The following SLIT3 variants were observed in gnomAD, a reference collection of about 807,000 sequenced individuals.
SLIT3 encodes the protein slit homolog 3 protein.
Under a neutral mutation model 184.0 loss-of-function variants are expected in SLIT3, and 68 were observed. The ratio of observed to expected loss-of-function variants is 0.37; its 90% CI spans 0.30 to 0.45. The LOEUF (loss-of-function observed/expected upper bound fraction) is 0.45, where lower values mean the gene tolerates loss of function less well. Ranked by LOEUF, SLIT3 falls within the 20% of genes least tolerant of loss-of-function variation. The probability of loss-of-function intolerance (pLI) is 1.00; values close to 1 mark genes in which losing one functional copy is unlikely to be tolerated. For missense variants in SLIT3, 1,707 were observed against 2,026.0 expected (o/e 0.84, Z 3.02); for synonymous variants, 831 against 828.6 (o/e 1.00, Z -0.05).
intron 4 of SLIT3, among the ~76,000 whole-genome samples, chr5:169,180,059 G>T (rs1348765605): frequency 6.6e-6 from 1 of 152,182 alleles, no homozygotes; most frequent in Non-Finnish European, 1.5e-5. Context: ...AATAGAGCAG[G>T]ATCATCTTGT....
At chr5:169,294,159 G>A (rs969359171) in intron 1 of SLIT3, among the ~76,000 whole-genome samples, 1 of 151,822 alleles carries the variant, frequency 6.6e-6, no homozygotes, top group Admixed American at 6.6e-5. Context: ...GGTGGAGCCT[G>A]CTAGGAAATA....
intron 4 of SLIT3, among the ~76,000 whole-genome samples, chr5:169,114,803 G>A (rs551721089): frequency 6.6e-4 from 100 of 152,328 alleles, no homozygotes; most frequent in Admixed American, 1.0e-3. Context: ...CCCTGGCTCC[G>A]TGGCGGCAGA....
intron 4 of SLIT3, among the ~76,000 whole-genome samples, chr5:169,114,548 A>G (rs1760576019): frequency 6.6e-6 from 1 of 152,204 alleles, no homozygotes; most frequent in Non-Finnish European, 1.5e-5. Context: ...AGATTGCTGC[A>G]GTGGGAGTCC....
At chr5:168,918,535 A>G (rs754644674) in intron 4 of SLIT3, among the ~76,000 whole-genome samples, 2 of 152,210 alleles carry the variant, frequency 1.3e-5, no homozygotes, top group Non-Finnish European at 2.9e-5. Flanking sequence ...GAGGTTTGTG[A>G]ACCCGATTTG....
At chr5:168,860,498 A>G (rs556123222) in intron 5 of SLIT3, among the ~76,000 whole-genome samples, 2 of 151,996 alleles carry the variant, frequency 1.3e-5, no homozygotes, top group South Asian at 4.2e-4. Context: ...AATTTTCTCT[A>G]CTTTAAAATA....
chr5:168,880,230 C>G (rs535752239), intron 5 of SLIT3, among the ~76,000 whole-genome samples: 1 of 152,196 alleles, frequency 6.6e-6, no homozygotes, highest in Non-Finnish European at 1.5e-5. Context: ...CTCCTGTCCC[C>G]GGTTCCCCTT....
chr5:168,952,387 T>C (rs1762675639), intron 4 of SLIT3, among the ~76,000 whole-genome samples: 1 of 152,136 alleles, frequency 6.6e-6, no homozygotes, highest in South Asian at 2.1e-4. Context: ...CGTTTACATT[T>C]CAGGCTGATT....
intron 2 of SLIT3, among the ~76,000 whole-genome samples, chr5:169,247,968 G>T (rs570758543): frequency 2.0e-5 from 3 of 152,150 alleles, no homozygotes; most frequent in Non-Finnish European, 4.4e-5. Context: ...TTCCTGTCAG[G>T]TTCAGCCAAA....
At position 168,666,499 on chromosome 5, in the gene SLIT3, T is replaced by G. The variant is rs766389799; in HGVS notation, c.4527A>C (p.Glu1509Asp). ...FQCTDGSSFV[E>D]EVERHLECGC... is the part of the protein sequence containing the mutation. ...CGCACTCTAAGTGTCTCTCCACCTC[T>G]TCTACAAACGAGGAGCCGTCCGTGC... The change falls in exon 36 of 36, where the codon GAA (glutamate) becomes GAC (aspartate). Residue 1509 changes from glutamate (E) to aspartate (D), a missense_variant. Physicochemically the swap from Glu to Asp is conservative, Grantham distance 45. Around this residue, in one of 3 missense-constraint regions of SLIT3, gnomAD observed 387 missense variants for 477.9 expected, o/e 0.81. Coordinates refer to ENST00000519560, the MANE Select transcript of SLIT3 (RefSeq NM_003062.4). 3 of 1,606,052 alleles carry G rather than the reference T, an allele frequency of 1.9e-6. No homozygotes were observed. The Admixed American group carries it at 5.0e-5, about 27-fold the overall frequency.
At chr5:168,821,387 G>A (rs956436698) in intron 7 of SLIT3, among the ~76,000 whole-genome samples, 2 of 152,154 alleles carry the variant, frequency 1.3e-5, no homozygotes, top group Non-Finnish European at 2.9e-5. Context: ...ATTTTTCTTC[G>A]ATGCAACCCA....
intron 10 of SLIT3, 52 bp from the exon 11 acceptor site, chr5:168,789,683 G>T (rs745418320): frequency 7.4e-7 from 1 of 1,344,296 alleles, no homozygotes; most frequent in Middle Eastern, 1.8e-4. Flanking sequence ...GTGCGATAAC[G>T]GTCACTCCTA....
intron 4 of SLIT3, among the ~76,000 whole-genome samples, chr5:169,019,365 C>T (rs1432906): frequency 0.15 from 22,234 of 152,246 alleles, 2,051 homozygotes; most frequent in East Asian, 0.51. Flanking sequence ...GGTTGCACCA[C>T]AGCACAAGTT....
chr5:168,723,501 T>C (rs1292542462), intron 21 of SLIT3, among the ~76,000 whole-genome samples: 1 of 152,240 alleles, frequency 6.6e-6, no homozygotes, highest in Non-Finnish European at 1.5e-5. Context: ...TACATGACTA[T>C]TCATCCATTT....
At chr5:169,243,952 C>T (rs1369872548) in intron 3 of SLIT3, among the ~76,000 whole-genome samples, 1 of 152,318 alleles carries the variant, frequency 6.6e-6, no homozygotes. Context: ...TTATGAGCTG[C>T]CAGATGTGAT....
Position 168,981,505 on chromosome 5 carries a change from A to G in SLIT3, c.414-98169T>C, listed in dbSNP as rs1487557614. Reference sequence around the variant, plus strand: ...CGCAGAGCCTCCCTTATGCCCATCAAAATAAAACAAATCCTCACCAGAGGA... The same window carrying G: ...CGCAGAGCCTCCCTTATGCCCATCAGAATAAAACAAATCCTCACCAGAGGA... On this transcript the variant is annotated intron_variant, in intron 4 of 35. Coordinates refer to ENST00000519560, the MANE Select transcript of SLIT3 (RefSeq NM_003062.4). Among the ~76,000 whole-genome samples the G allele has an allele frequency of 3.9e-5, 6 of 152,112 alleles. No individual in the cohort carries two copies. In the South Asian group the frequency reaches 8.3e-4, roughly 21 times the overall value.
intron 4 of SLIT3, among the ~76,000 whole-genome samples, chr5:169,060,244 G>A (rs1431452706): frequency 6.6e-6 from 1 of 152,148 alleles, no homozygotes; most frequent in Non-Finnish European, 1.5e-5. Context: ...ACAAAGATTA[G>A]CTGGGTGTGG....
intron 4 of SLIT3, among the ~76,000 whole-genome samples, chr5:169,000,035 T>C (rs1194558870): frequency 6.6e-6 from 1 of 152,128 alleles, no homozygotes; most frequent in African/African-American, 2.4e-5. Flanking sequence ...CTTGCTAAAA[T>C]CAGTGCTCAA....
chr5:169,228,121 C>T (rs1466838759), intron 3 of SLIT3, among the ~76,000 whole-genome samples: 1 of 152,152 alleles, frequency 6.6e-6, no homozygotes, highest in Non-Finnish European at 1.5e-5. Flanking sequence ...GTATACAGTT[C>T]TCTGGTGTGT....
At chr5:168,689,326 A>C (rs1455708551) in intron 29 of SLIT3, among the ~76,000 whole-genome samples, 2 of 152,140 alleles carry the variant, frequency 1.3e-5, no homozygotes, top group African/African-American at 4.8e-5. Context: ...TTTTTCTTCT[A>C]GTTAAATTTT....
Sources: allele counts gnomAD v4.1 joint callset (sites outside exome capture counted in the v4.1 genomes callset), GRCh38; gene constraint gnomAD v4.1.1; regional missense constraint gnomAD v4.1.1; transcripts MANE v1.5; gene names NCBI Gene and HGNC (gene_info 2026-07-23, HGNC 2026-07-21).